Variants in CPM observed in about 807,000 individuals in gnomAD.
The protein encoded by CPM is renal carboxypeptidase.
A neutral mutation model predicts 46.4 loss-of-function variants in CPM; 35 were observed. The observed-to-expected ratio is 0.75, with a 90% CI of 0.58 to 1.00. The LOEUF (loss-of-function observed/expected upper bound fraction) is 1.00. Ranked by LOEUF, CPM falls within the 50% of genes least tolerant of loss-of-function variation. CPM has a pLI of 0.00. For synonymous variants in CPM, 195 were observed against 195.3 expected (o/e 1.00, Z 0.01); for missense variants, 422 against 530.4 (o/e 0.80, Z 2.01).
chr12:68,934,858 G>C (rs958621838), upstream of CPM, among the ~76,000 whole-genome samples: 6 of 151,950 alleles, frequency 3.9e-5, no homozygotes, highest in South Asian at 8.3e-4. Context: ...AGCTTAATTC[G>C]TAACTCTTTA....
intron 2 of CPM, among the ~76,000 whole-genome samples, chr12:68,892,084 A>G (rs1886678338): frequency 1.3e-5 from 2 of 152,214 alleles, no homozygotes; most frequent in African/African-American, 4.8e-5. Flanking sequence ...CAGTCACCTG[A>G]AAGCTTAAGA....
intron 1 of CPM, among the ~76,000 whole-genome samples, chr12:68,957,128 A>C (rs1481691679): frequency 2.6e-5 from 4 of 152,186 alleles, no homozygotes; most frequent in Non-Finnish European, 5.9e-5. Context: ...AAAATCGTAG[A>C]GATTGTATCA....
chr12:68,881,110 C>T (rs1459280616), intron 3 of CPM, among the ~76,000 whole-genome samples: 3 of 152,152 alleles, frequency 2.0e-5, no homozygotes, highest in Non-Finnish European at 2.9e-5. Context: ...TTTTGGCATT[C>T]CTGAGTGTAG....
intron 1 of CPM, among the ~76,000 whole-genome samples, chr12:68,940,681 T>C (rs773340568): frequency 2.0e-4 from 30 of 151,288 alleles, no homozygotes; most frequent in Non-Finnish European, 3.8e-4. Flanking sequence ...AGGACCACCA[T>C]CCAAATGAGA....
chr12:68,861,507 G>A (rs1470331870), intron 7 of CPM, among the ~76,000 whole-genome samples: 1 of 151,740 alleles, frequency 6.6e-6, no homozygotes, highest in Non-Finnish European at 1.5e-5. Flanking sequence ...ATGAAGCAGA[G>A]CTATCATTGA....
intron 2 of CPM, among the ~76,000 whole-genome samples, chr12:68,917,465 T>C (rs1887858462): frequency 1.3e-5 from 2 of 152,236 alleles, no homozygotes; most frequent in Non-Finnish European, 2.9e-5. Flanking sequence ...CTTTGGGATA[T>C]AGAAATTAAC....
chr12:68,875,777 G>T (rs1885924566), intron 3 of CPM, among the ~76,000 whole-genome samples: 1 of 146,864 alleles, frequency 6.8e-6, no homozygotes, highest in Admixed American at 6.9e-5. Flanking sequence ...CTGCACTCTA[G>T]CCTGGGCAAC....
chr12:68,870,384 C>T lies in CPM; in HGVS notation c.447G>A (p.Gln149=), dbSNP rs1257446789. The change falls in exon 5 of 9, where the codon CAG becomes CAA. Residue 149 remains glutamine, a synonymous_variant. Transcript: ENST00000551568. ...CGGGGAAATTTCGATTCAAGTCATACTGGTTATAATTTTCCCTTTAAAAGA... is the reference window on the plus strand; with the variant it reads ...CGGGGAAATTTCGATTCAAGTCATATTGGTTATAATTTTCCCTTTAAAAGA... ...YYSIGRENYN[Q]YDLNRNFPDA... 3 of 1,613,792 alleles carry T rather than the reference C, an allele frequency of 1.9e-6. No homozygotes were observed. The highest frequency in any genetic ancestry group is 2.2e-5 in the East Asian group (1 of 44,894).
At chr12:68,891,553 A>G (rs1886654478) in intron 2 of CPM, among the ~76,000 whole-genome samples, 1 of 152,162 alleles carries the variant, frequency 6.6e-6, no homozygotes, top group East Asian at 1.9e-4. Flanking sequence ...CCTTTCACAC[A>G]CAAGTCAACA....
upstream of CPM, among the ~76,000 whole-genome samples, chr12:68,935,929 T>C (rs1480808282): frequency 6.6e-6 from 1 of 152,164 alleles, no homozygotes; most frequent in Non-Finnish European, 1.5e-5. Flanking sequence ...GAAGAAATGG[T>C]GGCTTCATCA....
chr12:68,907,507 T>C (rs2029774), intron 2 of CPM, among the ~76,000 whole-genome samples: 18,149 of 152,076 alleles, frequency 0.12, 1,200 homozygotes, highest in East Asian at 0.17. Flanking sequence ...AACACATGTG[T>C]TTGATAGATG....
Position 68,941,864 on chromosome 12 carries a change from T to TA in CPM, c.-3-9025dup, listed in dbSNP as rs1214392384. Among the ~76,000 whole-genome samples the TA allele has an allele frequency of 3.3e-5, 5 of 152,294 alleles. No individual in the cohort carries two copies. The East Asian group carries it at 9.6e-4, about 29-fold the overall frequency. On this transcript the variant is annotated intron_variant, in intron 1 of 8. Transcript: ENST00000546373. ...CAAAACCGGATTTGTTTGTTTTTGATAAAAAAGGAAAGTGACCTTGCAATT... is the reference window on the plus strand; with the variant it reads ...CAAAACCGGATTTGTTTGTTTTTGATAAAAAAAGGAAAGTGACCTTGCAATT...
At chr12:68,937,541 C>T (rs1172979196), upstream of CPM, among the ~76,000 whole-genome samples, 3 of 152,130 alleles carry the variant, frequency 2.0e-5, no homozygotes, top group Non-Finnish European at 4.4e-5. Context: ...AATATTATAG[C>T]TGTACAATTA....
chr12:68,940,574 C>T (rs538917163), intron 1 of CPM, among the ~76,000 whole-genome samples: 5 of 150,408 alleles, frequency 3.3e-5, no homozygotes, highest in Middle Eastern at 3.4e-3. Flanking sequence ...CCCCTACCTA[C>T]GAAAGGTTCT....
intron 1 of CPM, chr12:68,963,147 AT>A (rs1889149933): frequency 6.4e-6 from 1 of 157,390 alleles, no homozygotes; most frequent in African/African-American, 2.4e-5. Flanking sequence ...AAAACTGGTC[AT>A]AAGGAAATGA....
At chr12:68,892,838 G>A (rs1033412430) in intron 2 of CPM, among the ~76,000 whole-genome samples, 1 of 151,872 alleles carries the variant, frequency 6.6e-6, no homozygotes, top group African/African-American at 2.4e-5. Context: ...AGCAAAACTC[G>A]TCTCAAAACA....
rs114853913 is a variant in CPM at position 68,869,323 on chromosome 12, A to G, written c.787+2T>C. 468 of 1,610,370 alleles carry G rather than the reference A, an allele frequency of 2.9e-4. 1 individual carries two copies. In the African/African-American group the frequency reaches 5.4e-3, roughly 19 times the overall value. ...GAATGGAAGAAATGAAGAGAAACTC[A>G]CCTTGGAGTGGATACCAAGAGTATC... is the stretch of plus-strand genomic sequence containing the variant. On this transcript the variant is annotated splice_donor_variant, in intron 6 of 8. Transcript: ENST00000551568. LOFTEE classifies it high-confidence loss of function.
rs745482830 is a variant in CPM, at chr12:68,938,807, TAC to T, written c.-3-5969_-3-5968del. Among the ~76,000 whole-genome samples, 100 of 149,760 alleles carry T rather than the reference TAC, an allele frequency of 6.7e-4. 1 individual carries two copies. The highest frequency in any genetic ancestry group is 1.9e-3 in the African/African-American group (78 of 41,034). ...AAAGACATGAGAAAATATGTGTGTA[TAC>T]ACACACACACACACGTATATCTATA... On this transcript the variant is annotated intron_variant, in intron 1 of 8. Coordinates refer to the CPM transcript ENST00000546373.
At chr12:68,848,217 C>G (rs1255303614), downstream of CPM, 1 of 152,240 alleles carries the variant, frequency 6.6e-6, no homozygotes, top group Non-Finnish European at 1.5e-5. Context: ...GCGTCTTGCT[C>G]TGTTGCCCAG....
Sources: gnomAD v4.1 joint callset for allele counts (sites outside exome capture counted in the v4.1 genomes callset) on GRCh38, gnomAD v4.1.1 for gene constraint, MANE v1.5 for transcripts, NCBI Gene and HGNC (gene_info 2026-07-23, HGNC 2026-07-21) for gene names.